The following ASIC2 variants were observed in gnomAD, a reference collection of about 807,000 sequenced individuals.
The protein encoded by ASIC2 is acid-sensing ion channel 2.
ASIC2 carries 25 observed loss-of-function variants against 57.3 expected under a neutral mutation model. That is an observed-to-expected ratio of 0.44 (90% CI 0.32 to 0.61). The LOEUF (loss-of-function observed/expected upper bound fraction) is 0.61. Among genes scored for constraint, ASIC2 ranks in the 20% least tolerant of loss-of-function variants. The pLI is 0.06. For synonymous variants in ASIC2, 319 were observed against 307.5 expected (o/e 1.04, Z -0.39); for missense variants, 641 against 738.1 (o/e 0.87, Z 1.52).
At chr17:33,694,520 C>T (rs1908469877) in intron 1 of ASIC2, among the ~76,000 whole-genome samples, 1 of 152,218 alleles carries the variant, frequency 6.6e-6, no homozygotes, top group African/African-American at 2.4e-5. Context: ...TACTCTTCCT[C>T]ATCTCATAGC....
rs984060393 is a variant in ASIC2 at position 33,293,159 on chromosome 17, G to A, written c.-1044C>T. ...GAGACTCCGAGCTCGCGGTGGCCGT[G>A]ACGCCGGCTAAGCTCCTTCCCCGGT... On this transcript the variant is annotated 5_prime_UTR_variant, in exon 1 of 10. Coordinates refer to ENST00000225823, the MANE Select transcript of ASIC2 (RefSeq NM_183377.2). Among the ~76,000 whole-genome samples the A allele has an allele frequency of 1.1e-4, 17 of 152,340 alleles. No individual in the cohort carries two copies. The highest frequency in any genetic ancestry group is 3.8e-4 in the African/African-American group (16 of 41,578).
At chr17:33,601,234 T>C (rs1251853827) in intron 1 of ASIC2, among the ~76,000 whole-genome samples, 4 of 152,108 alleles carry the variant, frequency 2.6e-5, no homozygotes, top group Non-Finnish European at 5.9e-5. Flanking sequence ...ACTAATAGAA[T>C]AGAAGGGAGG....
At chr17:33,322,063 A>T (rs1273943177) in intron 1 of ASIC2, among the ~76,000 whole-genome samples, 1 of 152,220 alleles carries the variant, frequency 6.6e-6, no homozygotes, top group Non-Finnish European at 1.5e-5. Context: ...AGAGTGACAC[A>T]TAACAGTGGT....
At chr17:33,809,562 TG>T (rs1482084433) in intron 1 of ASIC2, among the ~76,000 whole-genome samples, 1 of 152,234 alleles carries the variant, frequency 6.6e-6, no homozygotes. Flanking sequence ...TTCCTTTTCT[TG>T]TGTGTAAACT....
At chr17:33,075,460 C>T (rs1268124832) in intron 3 of ASIC2, among the ~76,000 whole-genome samples, 1 of 152,166 alleles carries the variant, frequency 6.6e-6, no homozygotes, top group East Asian at 1.9e-4. Context: ...GCCCAGATTC[C>T]TCTCCCTGCT....
chr17:33,939,750 G>T (rs1231080097), intron 1 of ASIC2, among the ~76,000 whole-genome samples: 1 of 152,206 alleles, frequency 6.6e-6, no homozygotes, highest in Non-Finnish European at 1.5e-5. Context: ...TCCATTCACT[G>T]TTGCCCACGG....
At chr17:34,040,250 C>T (rs1324950938) in intron 1 of ASIC2, among the ~76,000 whole-genome samples, 4 of 148,186 alleles carry the variant, frequency 2.7e-5, no homozygotes, top group African/African-American at 1.0e-4. Flanking sequence ...GGGTGCGGCG[C>T]GGAGGGCGGG....
chr17:33,757,756 C>T (rs1183318100), intron 1 of ASIC2, among the ~76,000 whole-genome samples: 1 of 152,220 alleles, frequency 6.6e-6, no homozygotes, highest in East Asian at 1.9e-4. Context: ...CAACCTTAAA[C>T]ATCTGTTCTG....
intron 1 of ASIC2, among the ~76,000 whole-genome samples, chr17:33,876,499 C>G (rs2141935767): frequency 6.6e-6 from 1 of 152,312 alleles, no homozygotes; most frequent in Non-Finnish European, 1.5e-5. Context: ...AGCTCCTTTT[C>G]TACTAACCAT....
chr17:33,124,869 TG>T (rs2092317067), intron 1 of ASIC2, among the ~76,000 whole-genome samples: 2 of 152,210 alleles, frequency 1.3e-5, no homozygotes, highest in Non-Finnish European at 2.9e-5. Context: ...CAGTCCTATC[TG>T]GGGGTGATGG....
intron 1 of ASIC2, among the ~76,000 whole-genome samples, chr17:34,138,632 C>G (rs1261468839): frequency 6.6e-6 from 1 of 152,248 alleles, no homozygotes; most frequent in African/African-American, 2.4e-5. Context: ...TCTGCTCCAG[C>G]TCTGCCCAGG....
chr17:33,115,149 A>G (rs1018205241), intron 1 of ASIC2, among the ~76,000 whole-genome samples: 3 of 152,132 alleles, frequency 2.0e-5, no homozygotes, highest in Non-Finnish European at 4.4e-5. Flanking sequence ...CTTGGTGTCA[A>G]TGTAATCTTT....
chr17:33,803,337 GTGTA>G (rs1297533292), intron 1 of ASIC2, among the ~76,000 whole-genome samples: 1 of 151,460 alleles, frequency 6.6e-6, no homozygotes, highest in Non-Finnish European at 1.5e-5. Context: ...CACTGTGTAT[GTGTA>G]TATGTGTGGG....
chr17:33,656,453 G>A (rs577772503), intron 1 of ASIC2, among the ~76,000 whole-genome samples: 3 of 152,248 alleles, frequency 2.0e-5, no homozygotes, highest in South Asian at 4.1e-4. Context: ...AGACCAACAC[G>A]TTCCTATTTC....
At chr17:33,960,431 G>A (rs546223661) in intron 1 of ASIC2, among the ~76,000 whole-genome samples, 15 of 152,292 alleles carry the variant, frequency 9.8e-5, no homozygotes, top group African/African-American at 3.6e-4. Flanking sequence ...ACATACAGAG[G>A]TGAATGAGTT....
At chr17:34,045,146 T>C (rs1176868508) in intron 1 of ASIC2, among the ~76,000 whole-genome samples, 3 of 152,148 alleles carry the variant, frequency 2.0e-5, no homozygotes, top group Non-Finnish European at 4.4e-5. Context: ...GGCCTGTGCC[T>C]GGCACCATCA....
chr17:33,842,691 C>T (rs1913475209), intron 1 of ASIC2, among the ~76,000 whole-genome samples: 1 of 152,150 alleles, frequency 6.6e-6, no homozygotes, highest in Non-Finnish European at 1.5e-5. Context: ...TGACTTCAGG[C>T]CTTGCCATGA....
chr17:33,037,389 CTTTTT>C lies in ASIC2; in HGVS notation c.988-9002_988-8998del, dbSNP rs35286664. ...TGTTCAGGGTCAGCCACTTCCCCCT[CTTTTT>C]TTTTTTTTTTTTTTTTTTGCAGAGG... On this transcript the variant is annotated intron_variant, in intron 3 of 9. Transcript: ENST00000225823. Among the ~76,000 whole-genome samples the C allele has an allele frequency of 2.5e-3, 310 of 123,804 alleles. 1 individual carries two copies. Among genetic ancestry groups the C allele is most frequent in the African/African-American group, 7.1e-3 (220 of 31,006 alleles). 81.2% of individuals were successfully genotyped at this position (123,804 alleles called of 152,430 possible). A position where few individuals can be genotyped will look rare whatever the true frequency, so the allele number is the denominator to read the frequency against.
At chr17:33,680,533 C>T (rs1048696086) in intron 1 of ASIC2, 1 of 152,230 alleles carries the variant, frequency 6.6e-6, no homozygotes, top group African/African-American at 2.4e-5. Context: ...TCCCAGGGGC[C>T]CCTGTGTCTG....
Sources: allele counts gnomAD v4.1 joint callset (sites outside exome capture counted in the v4.1 genomes callset), GRCh38; gene constraint gnomAD v4.1.1; transcripts MANE v1.5; gene names NCBI Gene and HGNC (gene_info 2026-07-23, HGNC 2026-07-21).